Variants in ADCK2 observed in about 807,000 individuals in gnomAD.
The protein encoded by ADCK2 is uncharacterized aarF domain-containing protein kinase 2.
In ADCK2, 37 loss-of-function variants were observed where a neutral mutation model predicts 52.3. The ratio of observed to expected loss-of-function variants is 0.71; its 90% CI spans 0.54 to 0.93. ADCK2 has a LOEUF of 0.93. Among genes scored for constraint, ADCK2 ranks in the 40% least tolerant of loss-of-function variants. The pLI is 0.00. For synonymous variants in ADCK2, 321 were observed against 349.2 expected (o/e 0.92, Z 0.90); for missense variants, 695 against 798.7 (o/e 0.87, Z 1.56).
chr7:140,692,888 A>G (rs1363440768), intron 7 of ADCK2, among the ~76,000 whole-genome samples: 2 of 152,150 alleles, frequency 1.3e-5, no homozygotes, highest in Non-Finnish European at 2.9e-5. Context: ...ATCATATGGT[A>G]TGTTTTTAGT....
In ADCK2 at chr7:140,673,980, CAT is replaced by C. The variant is rs1801684637; in HGVS notation, c.652_653del (p.Tyr218ArgfsTer9). 1 of 1,613,994 alleles carries C rather than the reference CAT, an allele frequency of 6.2e-7. No homozygotes were observed. The highest frequency in any genetic ancestry group is 1.3e-5 in the African/African-American group (1 of 74,942). ...GGCTGCGTGGCCCAGGTGTACAAAG[CAT>C]ACGCCAACACTGCCTTCCTGGAGAC... On this transcript the variant is annotated frameshift_variant, in exon 1 of 8. Coordinates refer to ENST00000072869, the MANE Select transcript of ADCK2 (RefSeq NM_052853.4). LOFTEE classifies it high-confidence loss of function. This position sits in a 1 kb window ranked among gnomAD's most constrained non-coding sequence, Gnocchi z 6.4.
chr7:140,674,452 C>A lies in ADCK2; in HGVS notation c.934-159C>A. On this transcript the variant is annotated intron_variant, in intron 1 of 7. Transcript: ENST00000072869. The surrounding 1 kb of genome is among the most constrained non-coding windows in gnomAD (Gnocchi z 4.6). ...GAATAGTCTGATAGAGGAAAATGAA[C>A]TGAGTCTGGAGTGAACTAACTGCTT... 8.9e-7 allele frequency: 1 copy of A among 1,121,658 alleles called. No individual in the cohort carries two copies. The highest frequency in any genetic ancestry group is 1.2e-6 in the Non-Finnish European group (1 of 811,002). 69.5% of individuals were successfully genotyped at this position (1,121,658 alleles called of 1,614,324 possible). A position where few individuals can be genotyped will look rare whatever the true frequency, so the allele number is the denominator to read the frequency against.
chr7:140,691,205 C>T (rs1005825621), intron 7 of ADCK2, among the ~76,000 whole-genome samples: 4 of 152,120 alleles, frequency 2.6e-5, no homozygotes, highest in African/African-American at 7.2e-5. Context: ...GGATTACAGG[C>T]GTGAGCCACT....
rs1311794570 is a variant in ADCK2, at chr7:140,681,089, C to A, written c.1257C>A (p.Asp419Glu). 1 of 1,614,138 alleles carries A rather than the reference C, an allele frequency of 6.2e-7. No homozygotes were observed. Among genetic ancestry groups the A allele is most frequent in the Non-Finnish European group, 8.5e-7 (1 of 1,180,032 alleles). The part of the protein sequence containing the change: ...SSYQQAGIPV[D>E]LKRKIARLGI... ...ACCAGCAGGCAGGAATTCCCGTGGA[C>A]TTGAAAAGGAAGATTGCACGGCTGG... The change falls in exon 4 of 8, where the codon GAC becomes GAA. Residue 419 changes from aspartate to glutamate, a missense_variant. Asp to Glu is a conservative substitution (Grantham distance 45). Transcript: ENST00000072869.
At chr7:140,676,235 G>A (rs542277510) in intron 2 of ADCK2, among the ~76,000 whole-genome samples, 1 of 152,264 alleles carries the variant, frequency 6.6e-6, no homozygotes, top group South Asian at 2.1e-4. Context: ...TAAGGGGTCT[G>A]TCTTGGGTCT....
intron 7 of ADCK2, among the ~76,000 whole-genome samples, chr7:140,694,223 G>C (rs1406508140): frequency 6.6e-6 from 1 of 152,162 alleles, no homozygotes; most frequent in African/African-American, 2.4e-5. Context: ...GCTCAAGGCT[G>C]CAGTGAGCTA....
chr7:140,686,382 GC>G (rs1364083215), intron 4 of ADCK2, among the ~76,000 whole-genome samples: 1 of 152,222 alleles, frequency 6.6e-6, no homozygotes, highest in Non-Finnish European at 1.5e-5. Context: ...CCAGGTTCAA[GC>G]CATTCTCCTG....
intron 3 of ADCK2, among the ~76,000 whole-genome samples, chr7:140,680,586 T>C (rs1338141473): frequency 2.0e-5 from 3 of 152,154 alleles, no homozygotes; most frequent in African/African-American, 7.2e-5. Context: ...TTATCTTCAG[T>C]AGCAGAGTTG....
Position 140,673,740 on chromosome 7 carries a change from C to T in ADCK2, c.410C>T (p.Ala137Val), listed in dbSNP as rs61737092. Residue 137 changes from alanine (A) to valine (V), a missense_variant, in exon 1 of 8, where the codon GCC (alanine) becomes GTC (valine). Coordinates refer to ENST00000072869, the MANE Select transcript of ADCK2 (RefSeq NM_052853.4). This position sits in a 1 kb window ranked among gnomAD's most constrained non-coding sequence, Gnocchi z 6.4. ...CTCTGGCTCCACCTGCTTCTGAAAGCCACCGAGACCTCAGGCCCAACCTAC... is the reference window on the plus strand; with the variant it reads ...CTCTGGCTCCACCTGCTTCTGAAAGTCACCGAGACCTCAGGCCCAACCTAC... ...STLWLHLLLK[A>V]TETSGPTYIK... 5,900 of 1,612,986 alleles carry T rather than the reference C, an allele frequency of 3.7e-3. 19 individuals carry two copies. The highest frequency in any genetic ancestry group is 4.6e-3 in the Non-Finnish European group (5,385 of 1,179,940).
chr7:140,692,587 G>C (rs533590993), intron 7 of ADCK2, among the ~76,000 whole-genome samples: 1 of 152,236 alleles, frequency 6.6e-6, no homozygotes, highest in Non-Finnish European at 1.5e-5. Flanking sequence ...TCGAACTCCT[G>C]ACCTCAAGTG....
chr7:140,689,887 C>T (rs559895804), intron 6 of ADCK2, among the ~76,000 whole-genome samples, 162 bp downstream of exon 6: 1 of 152,068 alleles, frequency 6.6e-6, no homozygotes, highest in Non-Finnish European at 1.5e-5. Flanking sequence ...CAGTGAAGTC[C>T]GTTGTGCTCA....
chr7:140,674,317 G>T lies in ADCK2; in HGVS notation c.933+54G>T. The T allele has an allele frequency of 6.6e-7, 1 of 1,514,198 alleles. No individual in the cohort carries two copies. The allele number at this position is 1,514,198 out of a possible 1,614,324, so 93.8% of individuals were successfully genotyped here. On this transcript the variant is annotated intron_variant, in intron 1 of 7. Transcript: ENST00000072869. The surrounding 1 kb of genome is among the most constrained non-coding windows in gnomAD (Gnocchi z 4.6). Reference sequence around the variant, plus strand: ...CTACCCACTGAGCTATCCCAGATCAGAAACAACCGCCATGCAAATCGCCCC... The same window carrying T: ...CTACCCACTGAGCTATCCCAGATCATAAACAACCGCCATGCAAATCGCCCC...
rs913981733 is a variant in ADCK2, at chr7:140,673,308, C to T, written c.-23C>T. On this transcript the variant is annotated 5_prime_UTR_variant, in exon 1 of 8. Coordinates refer to ENST00000072869, the MANE Select transcript of ADCK2 (RefSeq NM_052853.4). The surrounding 1 kb of genome is among the most constrained non-coding windows in gnomAD (Gnocchi z 6.4). ...CGCCTCTGAAGTGGAGGGCGGGCCG[C>T]CTGGGCCGCGGGCCTCGGGAGGATG... is the stretch of plus-strand genomic sequence containing the variant. 16 of 1,427,658 alleles carry T rather than the reference C, an allele frequency of 1.1e-5. No homozygotes were observed. Among genetic ancestry groups the T allele is most frequent in the African/African-American group, 3.0e-5 (2 of 67,244 alleles). 88.4% of individuals were successfully genotyped at this position (1,427,658 alleles called of 1,614,324 possible). A position where few individuals can be genotyped will look rare whatever the true frequency, so the allele number is the denominator to read the frequency against.
In ADCK2 at chr7:140,694,866, A is replaced by T; in HGVS notation, c.*63A>T. The T allele has an allele frequency of 3.3e-6, 5 of 1,533,364 alleles. No individual in the cohort carries two copies. Among genetic ancestry groups the T allele is most frequent in the Non-Finnish European group, 4.4e-6 (5 of 1,142,500 alleles). 95.0% of individuals were successfully genotyped at this position (1,533,364 alleles called of 1,614,324 possible). A position where few individuals can be genotyped will look rare whatever the true frequency, so the allele number is the denominator to read the frequency against. On this transcript the variant is annotated 3_prime_UTR_variant, in exon 8 of 8. Coordinates refer to ENST00000072869, the MANE Select transcript of ADCK2 (RefSeq NM_052853.4). ...GAGGCCACTCCCAAGAGCCTCTCCT[A>T]TGGCAGCTGGGACGTTTTAAAATTG...
chr7:140,678,984 G>A lies in ADCK2; in HGVS notation c.1081-171G>A, dbSNP rs1794469794. 6.6e-6 allele frequency among the ~76,000 whole-genome samples: 1 copy of A among 152,168 alleles called. No homozygotes were observed. Among genetic ancestry groups the A allele is most frequent in the Non-Finnish European group, 1.5e-5 (1 of 68,030 alleles). ...TCACACAGAGATCTGGGATTGCTGGGGCAGGCTGTAGCCCACGGATGTCGC... is the reference window on the plus strand; with the variant it reads ...TCACACAGAGATCTGGGATTGCTGGAGCAGGCTGTAGCCCACGGATGTCGC... On this transcript the variant is annotated intron_variant, in intron 2 of 7. Transcript: ENST00000072869. This position sits in a 1 kb window ranked among gnomAD's most constrained non-coding sequence, Gnocchi z 4.9.
At chr7:140,685,334 C>T (rs1794587581) in intron 4 of ADCK2, among the ~76,000 whole-genome samples, 1 of 151,926 alleles carries the variant, frequency 6.6e-6, no homozygotes, top group Admixed American at 6.6e-5. Flanking sequence ...CCTGTAGTCC[C>T]AGCTACTTGG....
rs746741219 is a variant in ADCK2, at chr7:140,673,828, A to G, written c.498A>G (p.Gln166=). The change falls in exon 1 of 8, where the codon CAA becomes CAG. Residue 166 remains glutamine, a synonymous_variant. Coordinates refer to ENST00000072869, the MANE Select transcript of ADCK2 (RefSeq NM_052853.4). The surrounding 1 kb of genome is among the most constrained non-coding windows in gnomAD (Gnocchi z 6.4). ...TGTTTTCGGAGGCTTTCTGTGCCCA[A>G]TTTTCCAAGCTGCATGTCCGAGTGA... The part of the protein sequence containing the change: ...RDLFSEAFCA[Q]FSKLHVRVTP... The G allele has an allele frequency of 4.4e-5, 71 of 1,612,976 alleles. No homozygotes were observed. Among genetic ancestry groups the G allele is most frequent in the Middle Eastern group, 1.6e-4 (1 of 6,084 alleles).
rs756036859 is a variant in ADCK2, at chr7:140,673,604, G to A, written c.274G>A (p.Gly92Ser). The stretch of plus-strand genomic sequence containing the variant: ...CCTCCCCCGAGCGGGACCTCTGGGC[G>A]GCGTCTTCCTGCATCTCCGCCTCTG... ...ESLPRAGPLG[G>S]VFLHLRLWLR... The change falls in exon 1 of 8, where the codon GGC becomes AGC. Residue 92 changes from glycine (G) to serine (S), a missense_variant. Transcript: ENST00000072869. The surrounding 1 kb of genome is among the most constrained non-coding windows in gnomAD (Gnocchi z 6.4). The A allele has an allele frequency of 2.5e-6, 4 of 1,607,874 alleles. No individual in the cohort carries two copies. The highest frequency in any genetic ancestry group is 1.7e-5 in the Admixed American group (1 of 60,012).
At position 140,677,902 on chromosome 7, in the gene ADCK2, A is replaced by T. The variant is rs190745378; in HGVS notation, c.1081-1253A>T. On this transcript the variant is annotated intron_variant, in intron 2 of 7. Coordinates refer to ENST00000072869, the MANE Select transcript of ADCK2 (RefSeq NM_052853.4). ...CAGAGGAGAGCCGGGGGTGTTAGCC[A>T]CTCTGGGATGTCGAGCACTATATGG... Among the ~76,000 whole-genome samples the T allele has an allele frequency of 1.6e-4, 24 of 152,238 alleles. No individual in the cohort carries two copies. The East Asian group carries it at 4.4e-3, about 28-fold the overall frequency.
Sources: gnomAD v4.1 joint callset for allele counts (sites outside exome capture counted in the v4.1 genomes callset) on GRCh38, gnomAD v4.1.1 for gene constraint, Gnocchi (gnomAD v3.1) non-coding constraint, MANE v1.5 for transcripts, NCBI Gene and HGNC (gene_info 2026-07-23, HGNC 2026-07-21) for gene names.